The following UNC79 variants were observed in gnomAD, a reference collection of about 807,000 sequenced individuals.
The protein encoded by UNC79 is protein unc-79 homolog.
In UNC79, 37 loss-of-function variants were observed where a neutral mutation model predicts 283.1. That is an observed-to-expected ratio of 0.13 (90% CI 0.10 to 0.17). UNC79 has a LOEUF of 0.17. UNC79 is among the 10% of genes least tolerant of loss of function. The pLI, the probability that UNC79 is intolerant of heterozygous loss-of-function variation, is 1.00. For missense variants in UNC79, 2,272 were observed against 3,211.1 expected, an observed-to-expected ratio of 0.71 and a Z score of 7.07; for synonymous variants, 1,107 against 1,200.2, an observed-to-expected ratio of 0.92 and a Z score of 1.61.
At chr14:93,387,907 G>A (rs186323153) in intron 1 of UNC79, among the ~76,000 whole-genome samples, 2 of 152,260 alleles carry the variant, frequency 1.3e-5, no homozygotes, top group East Asian at 3.9e-4. Flanking sequence ...ATATCTGGGT[G>A]CCCCATTATT....
chr14:93,624,101 G>A (rs779063144), intron 30 of UNC79, among the ~76,000 whole-genome samples: 3 of 152,118 alleles, frequency 2.0e-5, no homozygotes, highest in Non-Finnish European at 4.4e-5. Flanking sequence ...CAGAAGCAGT[G>A]CCTGATTCCA....
At chr14:93,618,293 C>A in exon 29 of UNC79, 1 of 1,613,996 alleles carries the variant, frequency 6.2e-7, no homozygotes, top group Non-Finnish European at 8.5e-7. Context: ...AGCCCCATGC[C>A]ACGGCAGGAC....
intron 2 of UNC79, among the ~76,000 whole-genome samples, chr14:93,468,294 A>C (rs557862256): frequency 1.3e-4 from 20 of 152,300 alleles, no homozygotes; most frequent in African/African-American, 4.3e-4. Flanking sequence ...AGGACAAGGA[A>C]AAAAAATAGG....
intron 31 of UNC79, among the ~76,000 whole-genome samples, chr14:93,635,520 T>C (rs2068436434): frequency 1.3e-5 from 2 of 152,244 alleles, no homozygotes; most frequent in South Asian, 4.1e-4. Context: ...ATATTCTTCC[T>C]GATGACTATG....
chr14:93,586,924 G>A lies in UNC79; in HGVS notation c.3032+16G>A, dbSNP rs545032202. On this transcript the variant is annotated intron_variant, in intron 22 of 48. Transcript: ENST00000555664. ...TGATTGCAAGGTACGTCTTCCTAAT[G>A]GTTTGTTTTGATTGTTTATACATTA... 3.1e-6 allele frequency: 5 copies of A among 1,611,012 alleles called. No homozygotes were observed. In the East Asian group the frequency reaches 6.7e-5, roughly 22 times the overall value.
chr14:93,673,493 T>C, intron 41 of UNC79, 38 bp downstream of exon 44: 1 of 1,578,506 alleles, frequency 6.3e-7, no homozygotes, highest in Non-Finnish European at 8.7e-7. Flanking sequence ...TTTCATGAGA[T>C]CCATGTATGT....
chr14:93,561,409 A>T (rs1240711442), intron 14 of UNC79, among the ~76,000 whole-genome samples: 2 of 152,182 alleles, frequency 1.3e-5, no homozygotes, highest in Admixed American at 1.3e-4. Context: ...CTAGAAAGTA[A>T]AGAAGTTCTT....
rs80243544 is a variant in UNC79 at position 93,550,528 on chromosome 14, A to G, written c.1755+7832A>G. On this transcript the variant is annotated intron_variant, in intron 14 of 48. Coordinates refer to ENST00000555664, the Ensembl canonical transcript of UNC79. ...AGACTCCGTATCAAAAAAAAAAAAA[A>G]AAAAAAAAAAAAAGAGGAAGGAGTC... Among the ~76,000 whole-genome samples, 21 of 6,898 alleles carry G rather than the reference A, an allele frequency of 3.0e-3. 1 individual carries two copies. The East Asian group carries it at 0.083, about 27-fold the overall frequency. The allele number at this position is 6,898 out of a possible 152,430, so 4.5% of individuals were successfully genotyped here.
intron 7 of UNC79, among the ~76,000 whole-genome samples, chr14:93,499,480 C>T (rs931697921): frequency 3.9e-5 from 6 of 152,148 alleles, no homozygotes; most frequent in Non-Finnish European, 5.9e-5. Flanking sequence ...GTTAATAATA[C>T]AGGAACCAAC....
At chr14:93,421,671 A>G (rs1197770644) in intron 1 of UNC79, among the ~76,000 whole-genome samples, 1 of 151,704 alleles carries the variant, frequency 6.6e-6, no homozygotes, top group Admixed American at 6.6e-5. Context: ...ACTATAGGCC[A>G]ATATCACTGA....
chr14:93,637,265 C>T (rs183729349), exon 32 of UNC79: 1 of 1,604,264 alleles, frequency 6.2e-7, no homozygotes, highest in Non-Finnish European at 8.5e-7. Context: ...CGTGCCTAAA[C>T]CCTGACCTGG....
intron 34 of UNC79, among the ~76,000 whole-genome samples, chr14:93,644,358 TC>T (rs2069363515): frequency 6.6e-6 from 1 of 152,228 alleles, no homozygotes; most frequent in Non-Finnish European, 1.5e-5. Context: ...CAAACTGTAG[TC>T]TTAGCGTGCA....
chr14:93,452,375 A>ATTTTTT (rs35284465), intron 1 of UNC79, among the ~76,000 whole-genome samples: 6 of 108,864 alleles, frequency 5.5e-5, no homozygotes, highest in Admixed American at 2.1e-4. Context: ...GGACTGCATG[A>ATTTTTT]TTTTTTTTTT....
At chr14:93,693,611 G>A (rs2074868980) in intron 46 of UNC79, among the ~76,000 whole-genome samples, 1 of 152,196 alleles carries the variant, frequency 6.6e-6, no homozygotes. Flanking sequence ...ACTGTCGTAA[G>A]CATGGCTACA....
intron 22 of UNC79, among the ~76,000 whole-genome samples, chr14:93,588,689 C>T (rs1348347081): frequency 1.9e-4 from 26 of 137,234 alleles, no homozygotes; most frequent in Admixed American, 1.8e-3. Context: ...TGCAGTGAGC[C>T]GAGATCGTGC....
intron 1 of UNC79, among the ~76,000 whole-genome samples, chr14:93,334,232 A>G (rs994742916): frequency 2.0e-5 from 3 of 152,174 alleles, no homozygotes; most frequent in Non-Finnish European, 2.9e-5. Context: ...TCAGATTTGT[A>G]TTTTCCTCAC....
At chr14:93,643,937 A>G (rs929148168) in intron 34 of UNC79, among the ~76,000 whole-genome samples, 2 of 151,996 alleles carry the variant, frequency 1.3e-5, no homozygotes, top group Non-Finnish European at 2.9e-5. Flanking sequence ...CACTAAGGAA[A>G]CCCCACTGTT....
chr14:93,566,357 C>T (rs1245129201), intron 14 of UNC79, among the ~76,000 whole-genome samples: 2 of 152,152 alleles, frequency 1.3e-5, no homozygotes, highest in African/African-American at 2.4e-5. Flanking sequence ...CAAGAATCCT[C>T]CCACTGGTTT....
chr14:93,681,983 C>G lies in UNC79; in HGVS notation c.6742-634C>G, dbSNP rs932214500. 2.0e-5 allele frequency among the ~76,000 whole-genome samples: 3 copies of G among 152,182 alleles called. No individual in the cohort carries two copies. In the South Asian group the frequency reaches 6.2e-4, roughly 31 times the overall value. On this transcript the variant is annotated intron_variant, in intron 41 of 48. Coordinates refer to ENST00000555664, the Ensembl canonical transcript of UNC79. ...AGTGCTGGGGATGAGGTGCATCAAGCCTGTGCTCTTGAAGAGCTCACAGCA... is the reference window on the plus strand; with the variant it reads ...AGTGCTGGGGATGAGGTGCATCAAGGCTGTGCTCTTGAAGAGCTCACAGCA...
Sources: allele counts gnomAD v4.1 joint callset (sites outside exome capture counted in the v4.1 genomes callset), GRCh38; gene constraint gnomAD v4.1.1; transcripts MANE v1.5; gene names NCBI Gene and HGNC (gene_info 2026-07-23, HGNC 2026-07-21).